The following SGCZ variants were observed in gnomAD, a reference collection of about 807,000 sequenced individuals.
SGCZ encodes zeta-sarcoglycan.
In SGCZ, 40 loss-of-function variants were observed where a neutral mutation model predicts 41.3. The ratio of observed to expected loss-of-function variants is 0.97; its 90% CI spans 0.75 to 1.26. The LOEUF (loss-of-function observed/expected upper bound fraction) is 1.26. Among genes scored for constraint, SGCZ ranks in the 50% most tolerant of loss-of-function variants. The pLI, the probability that SGCZ is intolerant of heterozygous loss-of-function variation, is 0.00. For synonymous variants in SGCZ, 206 were observed against 137.5 expected, an observed-to-expected ratio of 1.50 and a Z score of -3.49; for missense variants, 552 against 369.8, an observed-to-expected ratio of 1.49 and a Z score of -4.04.
rs535641563 is a variant in SGCZ, at chr8:15,011,383, T to G, written c.39+226202A>C. ...AAGCATCCTCACGGTTTTGTTTGTA[T>G]GTTTGTTAAAGCAATTCAAGTACAG... On this transcript the variant is annotated intron_variant, in intron 1 of 7. Coordinates refer to ENST00000382080, the MANE Select transcript of SGCZ (RefSeq NM_139167.4). Among the ~76,000 whole-genome samples the G allele has an allele frequency of 1.2e-4, 18 of 152,358 alleles. No individual in the cohort carries two copies. In the South Asian group the frequency reaches 3.7e-3, roughly 32 times the overall value.
intron 1 of SGCZ, among the ~76,000 whole-genome samples, chr8:15,098,528 TA>T (rs1281355562): frequency 6.6e-6 from 1 of 152,218 alleles, no homozygotes; most frequent in Non-Finnish European, 1.5e-5. Context: ...GTATTTACAA[TA>T]TGCTAGTAAG....
intron 1 of SGCZ, among the ~76,000 whole-genome samples, chr8:15,102,369 G>A (rs559552472): frequency 3.3e-5 from 5 of 152,264 alleles, no homozygotes; most frequent in African/African-American, 1.2e-4. Flanking sequence ...TTGAGGGGTG[G>A]AAGGAGATAT....
At chr8:14,272,211 C>T (rs972771608) in intron 3 of SGCZ, among the ~76,000 whole-genome samples, 5 of 152,240 alleles carry the variant, frequency 3.3e-5, no homozygotes, top group Non-Finnish European at 7.4e-5. Flanking sequence ...ACCATGTTAC[C>T]CAGGCTGGTC....
At chr8:14,666,368 A>T (rs2117496907) in intron 1 of SGCZ, among the ~76,000 whole-genome samples, 1 of 152,314 alleles carries the variant, frequency 6.6e-6, no homozygotes, top group Admixed American at 6.5e-5. Flanking sequence ...GTCTTTAAAA[A>T]TCTGTCCTGC....
chr8:14,112,365 G>C (rs559484545), intron 5 of SGCZ, among the ~76,000 whole-genome samples: 1 of 150,384 alleles, frequency 6.6e-6, no homozygotes, highest in Non-Finnish European at 1.5e-5. Flanking sequence ...GGAATCCAGA[G>C]TCCATGGGGC....
At chr8:14,948,906 C>A (rs1800540563) in intron 1 of SGCZ, among the ~76,000 whole-genome samples, 1 of 151,256 alleles carries the variant, frequency 6.6e-6, no homozygotes, top group South Asian at 2.1e-4. Flanking sequence ...TCAAAATTCC[C>A]CTTGAAAGCC....
chr8:14,358,902 C>A (rs1398216569), intron 2 of SGCZ, among the ~76,000 whole-genome samples: 10 of 152,112 alleles, frequency 6.6e-5, no homozygotes, highest in Non-Finnish European at 1.3e-4. Flanking sequence ...AGCCACTGCA[C>A]CTGGCCAGGT....
At chr8:15,029,668 C>T (rs930345381) in intron 1 of SGCZ, among the ~76,000 whole-genome samples, 5 of 152,044 alleles carry the variant, frequency 3.3e-5, no homozygotes, top group African/African-American at 4.8e-5. Context: ...ATCCAGAAAT[C>T]CCTTGTCCAT....
chr8:15,107,870 A>G (rs1276870940), intron 1 of SGCZ, among the ~76,000 whole-genome samples: 2 of 152,132 alleles, frequency 1.3e-5, no homozygotes, highest in African/African-American at 4.8e-5. Flanking sequence ...GGAGATTTGT[A>G]TTTTCTTAGA....
intron 5 of SGCZ, among the ~76,000 whole-genome samples, chr8:14,125,625 A>C (rs542681376): frequency 2.0e-4 from 31 of 152,292 alleles, no homozygotes; most frequent in African/African-American, 7.2e-4. Context: ...ATTAGAAAAA[A>C]TACTTTAAAA....
chr8:14,704,483 T>A (rs1234824848), intron 1 of SGCZ, among the ~76,000 whole-genome samples: 1 of 152,026 alleles, frequency 6.6e-6, no homozygotes, highest in Non-Finnish European at 1.5e-5. Context: ...CAAAGATACC[T>A]TATTAATTCA....
chr8:14,382,106 T>C (rs552238339), intron 2 of SGCZ, among the ~76,000 whole-genome samples: 121 of 152,198 alleles, frequency 8.0e-4, no homozygotes, highest in Admixed American at 2.4e-3. Flanking sequence ...CATTTTTCAC[T>C]ACACACTGAT....
chr8:14,528,834 A>AC (rs551515041), intron 2 of SGCZ, among the ~76,000 whole-genome samples: 4 of 106,360 alleles, frequency 3.8e-5, no homozygotes, highest in Admixed American at 2.7e-4. Context: ...AGCCAAAAAA[A>AC]AAACAAAACA....
chr8:14,593,429 G>C (rs1461523206), intron 1 of SGCZ, among the ~76,000 whole-genome samples: 2 of 152,250 alleles, frequency 1.3e-5, no homozygotes, highest in Middle Eastern at 6.8e-3. Context: ...TCTCCAGAAC[G>C]GTAACAGAAT....
At chr8:14,692,855 A>C (rs1808842328) in intron 1 of SGCZ, among the ~76,000 whole-genome samples, 1 of 152,180 alleles carries the variant, frequency 6.6e-6, no homozygotes, top group African/African-American at 2.4e-5. Flanking sequence ...ATGAAACTTC[A>C]ATTTTCTGAT....
chr8:14,560,616 T>G (rs113205299), intron 1 of SGCZ, among the ~76,000 whole-genome samples: 8 of 152,116 alleles, frequency 5.3e-5, no homozygotes, highest in African/African-American at 1.4e-4. Flanking sequence ...CAAACTTATT[T>G]TCTAGAATGT....
intron 1 of SGCZ, among the ~76,000 whole-genome samples, chr8:15,210,244 A>G (rs1801194532): frequency 6.6e-6 from 1 of 152,164 alleles, no homozygotes; most frequent in Non-Finnish European, 1.5e-5. Flanking sequence ...GTGGGGTGAT[A>G]CGCATTTGCT....
At chr8:14,504,016 C>T (rs1199306378) in intron 2 of SGCZ, among the ~76,000 whole-genome samples, 3 of 152,054 alleles carry the variant, frequency 2.0e-5, no homozygotes, top group African/African-American at 7.2e-5. Context: ...TTTAAGTGAA[C>T]ATTTTATCTG....
intron 1 of SGCZ, among the ~76,000 whole-genome samples, chr8:15,232,456 G>C (rs1801973817): frequency 6.6e-6 from 1 of 151,892 alleles, no homozygotes; most frequent in Non-Finnish European, 1.5e-5. Context: ...TTCTAAAATA[G>C]TCATTTGTCC....
Sources: allele counts gnomAD v4.1 joint callset (sites outside exome capture counted in the v4.1 genomes callset), GRCh38; gene constraint gnomAD v4.1.1; transcripts MANE v1.5; gene names NCBI Gene and HGNC (gene_info 2026-07-23, HGNC 2026-07-21).